SASH1: variants seen among roughly 807,000 people sequenced by gnomAD.
The protein encoded by SASH1 is SAM and SH3 domain containing 1, also known as SAM and SH3 domain-containing protein 1.
Under a neutral mutation model 125.2 loss-of-function variants are expected in SASH1, and 44 were observed. The observed-to-expected ratio is 0.35, with a 90% CI of 0.28 to 0.45. The LOEUF is 0.45. Among genes scored for constraint, SASH1 ranks in the 20% least tolerant of loss-of-function variants. The probability of loss-of-function intolerance (pLI) is 1.00; values close to 1 mark genes in which losing one functional copy is unlikely to be tolerated. For synonymous variants in SASH1, 639 were observed against 649.1 expected (o/e 0.98, Z 0.24); for missense variants, 1,426 against 1,614.5 (o/e 0.88, Z 2.00).
the SASH1 span, among the ~76,000 whole-genome samples, chr6:148,240,731 C>T: frequency 6.6e-6 from 1 of 152,126 alleles, no homozygotes; most frequent in Non-Finnish European, 1.5e-5. Flanking sequence ...GGCTTTTCAA[C>T]ATGATAAAGA....
At position 148,549,692 on chromosome 6, in the gene SASH1, T is replaced by C; in HGVS notation, c.*1134T>C. On this transcript the variant is annotated 3_prime_UTR_variant, in exon 20 of 20. Transcript: ENST00000367467. ...AATACTATTATTATCCTTCTTTTTT[T>C]ATTTAGATAATTCTTTTAATTTAAA... 1 of 398,828 alleles carries C rather than the reference T, an allele frequency of 2.5e-6. No homozygotes were observed. The highest frequency in any genetic ancestry group is 4.4e-6 in the Non-Finnish European group (1 of 225,918). The allele number at this position is 398,828 out of a possible 1,614,324, so 24.7% of individuals were successfully genotyped here.
intron 2 of SASH1, among the ~76,000 whole-genome samples, chr6:148,399,033 T>C (rs1784062715): frequency 6.6e-6 from 1 of 152,108 alleles, no homozygotes; most frequent in Non-Finnish European, 1.5e-5. Flanking sequence ...TTAAGAAGGC[T>C]TTTCTTTTTT....
chr6:148,393,222 T>TA (rs1783805543), intron 2 of SASH1, among the ~76,000 whole-genome samples: 3 of 16,284 alleles, frequency 1.8e-4, no homozygotes, highest in Admixed American at 2.3e-3. Context: ...AATTTTGTAT[T>TA]TTTTTTTTTT....
intron 1 of SASH1, among the ~76,000 whole-genome samples, chr6:148,356,074 T>TC: frequency 6.6e-6 from 1 of 150,880 alleles, no homozygotes; most frequent in East Asian, 2.0e-4. Flanking sequence ...CATTCTGTTT[T>TC]TTTTTTTTTT....
At chr6:148,367,835 C>T (rs757036501) in intron 1 of SASH1, among the ~76,000 whole-genome samples, 1 of 152,216 alleles carries the variant, frequency 6.6e-6, no homozygotes, top group Non-Finnish European at 1.5e-5. Context: ...TCGGAGGCCT[C>T]GAGTGCCTGG....
At chr6:148,316,975 G>A (rs6918668) in intron 1 of SASH1, among the ~76,000 whole-genome samples, 42,531 of 152,054 alleles carry the variant, frequency 0.28, 6,183 homozygotes, top group African/African-American at 0.38. Flanking sequence ...TCTGCCTTGA[G>A]GAATATAATG....
chr6:148,284,839 G>A (rs1043846833), intron 1 of SASH1, among the ~76,000 whole-genome samples: 6 of 152,148 alleles, frequency 3.9e-5, no homozygotes, highest in African/African-American at 1.4e-4. Flanking sequence ...CCTCATTTCA[G>A]ATAATTTTCT....
At chr6:148,286,069 G>C (rs1224746286) in intron 1 of SASH1, among the ~76,000 whole-genome samples, 3 of 152,016 alleles carry the variant, frequency 2.0e-5, no homozygotes, top group South Asian at 2.1e-4. Flanking sequence ...TCTAAAAAGT[G>C]CCCACATGCA....
At chr6:148,377,179 A>AAC (rs1562363114) in intron 1 of SASH1, among the ~76,000 whole-genome samples, 1 of 63,854 alleles carries the variant, frequency 1.6e-5, no homozygotes, top group Non-Finnish European at 3.3e-5. Context: ...CAAAAAAAAA[A>AAC]AAAACAAAAA....
intron 4 of SASH1, among the ~76,000 whole-genome samples, chr6:148,462,562 A>C (rs539938303): frequency 6.6e-6 from 1 of 152,294 alleles, no homozygotes; most frequent in African/African-American, 2.4e-5. Context: ...GGGGTCTTGC[A>C]ATAGCCAGAT....
chr6:148,397,660 G>C (rs1315314388), intron 2 of SASH1, among the ~76,000 whole-genome samples: 1 of 152,176 alleles, frequency 6.6e-6, no homozygotes, highest in Admixed American at 6.5e-5. Flanking sequence ...CCTGGTTTGA[G>C]GGCAGGGATT....
chr6:148,234,994 G>A, the SASH1 span, among the ~76,000 whole-genome samples: 2 of 152,302 alleles, frequency 1.3e-5, no homozygotes, highest in South Asian at 4.2e-4. Flanking sequence ...AAGTAGAATA[G>A]TATCCATTTT....
At chr6:148,333,335 C>T (rs1249793030) in intron 1 of SASH1, among the ~76,000 whole-genome samples, 4 of 151,906 alleles carry the variant, frequency 2.6e-5, no homozygotes, top group African/African-American at 9.7e-5. Context: ...ATCCCTTGAG[C>T]CCAGGTGTTC....
chr6:148,519,511 G>T lies in SASH1; in HGVS notation c.863-36G>T. 1 of 1,484,224 alleles carries T rather than the reference G, an allele frequency of 6.7e-7. No homozygotes were observed. The highest frequency in any genetic ancestry group is 9.4e-7 in the Non-Finnish European group (1 of 1,068,674). 91.9% of individuals were successfully genotyped at this position (1,484,224 alleles called of 1,614,324 possible). A position where few individuals can be genotyped will look rare whatever the true frequency, so the allele number is the denominator to read the frequency against. ...GAAAGATGTATGCAAGAATGCAAAG[G>T]TGTGTTCACAAGAGACTCTGTTGGT... On this transcript the variant is annotated intron_variant, in intron 9 of 19. Transcript: ENST00000367467. The surrounding 1 kb of genome is among the most constrained non-coding windows in gnomAD (Gnocchi z 4.8).
chr6:148,399,330 G>A (rs1298560302), intron 2 of SASH1, among the ~76,000 whole-genome samples: 4 of 145,958 alleles, frequency 2.7e-5, no homozygotes, highest in African/African-American at 1.0e-4. Flanking sequence ...TGATTCTCCT[G>A]CCTCAGCCTC....
intron 8 of SASH1, among the ~76,000 whole-genome samples, chr6:148,489,767 A>G (rs1186476172): frequency 1.3e-5 from 2 of 151,276 alleles, no homozygotes; most frequent in Non-Finnish European, 2.9e-5. Flanking sequence ...CAAATTGTTC[A>G]TTGCTAGTGT....
intron 1 of SASH1, among the ~76,000 whole-genome samples, chr6:148,322,357 AAATAAAAT>A (rs1357868090): frequency 1.3e-5 from 2 of 152,144 alleles, no homozygotes; most frequent in Non-Finnish European, 2.9e-5. Context: ...GTCTCAAATA[AAATAAAAT>A]AATAAAATAA....
At chr6:148,527,035 G>T (rs1282238506) in intron 11 of SASH1, among the ~76,000 whole-genome samples, 1 of 151,866 alleles carries the variant, frequency 6.6e-6, no homozygotes, top group Non-Finnish European at 1.5e-5. Flanking sequence ...ACCACGCCCA[G>T]CTAATTTTTT....
intron 1 of SASH1, among the ~76,000 whole-genome samples, chr6:148,356,327 C>A (rs1421642812): frequency 6.6e-6 from 1 of 151,722 alleles, no homozygotes; most frequent in East Asian, 1.9e-4. Context: ...TTAGGTGATC[C>A]GCCTGCCTCA....
Sources: allele counts gnomAD v4.1 joint callset (sites outside exome capture counted in the v4.1 genomes callset), GRCh38; gene constraint gnomAD v4.1.1; non-coding constraint Gnocchi (gnomAD v3.1); transcripts MANE v1.5; gene names NCBI Gene and HGNC (gene_info 2026-07-23, HGNC 2026-07-21).